The following SYTL5 variants were observed in gnomAD, a reference collection of about 807,000 sequenced individuals.
SYTL5 encodes synaptotagmin like 5.
Under a neutral mutation model 55.9 loss-of-function variants are expected in SYTL5, and 34 were observed. The ratio of observed to expected loss-of-function variants is 0.61; its 90% CI spans 0.46 to 0.81. The LOEUF (loss-of-function observed/expected upper bound fraction) is 0.81, where lower values mean the gene tolerates loss of function less well. SYTL5 is among the 30% of genes least tolerant of loss of function. SYTL5 has a pLI of 0.00. For synonymous variants in SYTL5, 221 were observed against 188.7 expected, an observed-to-expected ratio of 1.17 and a Z score of -1.40; for missense variants, 637 against 546.7, an observed-to-expected ratio of 1.17 and a Z score of -1.65.
At chrX:38,031,745 C>G (rs762628051) in intron 1 of SYTL5, among the ~76,000 whole-genome samples, 1 of 111,702 alleles carries the variant, frequency 9.0e-6, no homozygotes, top group African/African-American at 3.3e-5. Flanking sequence ...TCTTTCTCTG[C>G]GGAGACTGCA....
chrX:38,047,711 G>A (rs776291417), intron 2 of SYTL5, among the ~76,000 whole-genome samples: 15 of 112,189 alleles, frequency 1.3e-4, no homozygotes, highest in South Asian at 7.4e-4. Flanking sequence ...CTATCGCATC[G>A]TCAGGCTTTT....
At chrX:38,089,672 CAA>C (rs1360533740) in intron 7 of SYTL5, 85 bp downstream of exon 7, 2 of 1,005,899 alleles carry the variant, frequency 2.0e-6, no homozygotes, top group Non-Finnish European at 2.7e-6. Flanking sequence ...AATTTATAAA[CAA>C]AAGAGATTTA....
chrX:38,090,987 T>C (rs1602386551), intron 7 of SYTL5, among the ~76,000 whole-genome samples: 1 of 112,426 alleles, frequency 8.9e-6, no homozygotes, highest in African/African-American at 3.2e-5. Context: ...AAAGAGGTCA[T>C]AGGGCTGGAT....
intron 1 of SYTL5, among the ~76,000 whole-genome samples, chrX:38,008,690 C>T (rs1934074923): frequency 8.9e-6 from 1 of 111,760 alleles, no homozygotes; most frequent in Non-Finnish European, 1.9e-5. Context: ...TACTGCCTCA[C>T]TTTCTCTTTT....
the SYTL5 span, among the ~76,000 whole-genome samples, chrX:37,953,522 GT>G: frequency 9.0e-6 from 1 of 111,228 alleles, no homozygotes; most frequent in African/African-American, 3.3e-5. Context: ...CAGACTCTCT[GT>G]TTTTTTGTTT....
chrX:37,985,907 G>A, the SYTL5 span, among the ~76,000 whole-genome samples: 1 of 111,315 alleles, frequency 9.0e-6, no homozygotes, highest in Admixed American at 9.5e-5. Context: ...ATTCAATGGG[G>A]AAGGAAGAGC....
chrX:37,998,769 T>G, the SYTL5 span, among the ~76,000 whole-genome samples: 1 of 111,620 alleles, frequency 9.0e-6, no homozygotes, highest in Non-Finnish European at 1.9e-5. Flanking sequence ...AACGACACCC[T>G]AAAGATCTCA....
the SYTL5 span, among the ~76,000 whole-genome samples, chrX:37,982,655 A>G: frequency 2.7e-5 from 3 of 111,707 alleles, no homozygotes; most frequent in Admixed American, 2.9e-4. Context: ...TATTTTTCCA[A>G]TAATACCACA....
the SYTL5 span, among the ~76,000 whole-genome samples, chrX:37,993,944 G>A: frequency 8.9e-6 from 1 of 112,345 alleles, no homozygotes; most frequent in Non-Finnish European, 1.9e-5. Flanking sequence ...TCAAAAAGAA[G>A]TTCCAGTTAC....
chrX:37,997,366 G>A, the SYTL5 span, among the ~76,000 whole-genome samples: 1 of 112,267 alleles, frequency 8.9e-6, no homozygotes, highest in East Asian at 2.8e-4. Context: ...GGAGCAGGCA[G>A]GAGTCCTGCC....
the SYTL5 span, among the ~76,000 whole-genome samples, chrX:37,933,730 G>A: frequency 1.8e-5 from 2 of 111,956 alleles, no homozygotes; most frequent in African/African-American, 6.5e-5. Context: ...TTCAAAAATT[G>A]TAACATGTTT....
At chrX:38,087,990 A>C (rs1233692119) in intron 6 of SYTL5, among the ~76,000 whole-genome samples, 6 of 111,873 alleles carry the variant, frequency 5.4e-5, no homozygotes, top group African/African-American at 1.9e-4. Context: ...ATATTAAATA[A>C]TATTCTAAAA....
chrX:38,040,396 CTG>C (rs928155279), intron 2 of SYTL5, among the ~76,000 whole-genome samples: 15 of 110,343 alleles, frequency 1.4e-4, no homozygotes, highest in African/African-American at 5.0e-4. Flanking sequence ...AGTCACCACA[CTG>C]TGCTATCAAA....
the SYTL5 span, among the ~76,000 whole-genome samples, chrX:37,954,038 T>C: frequency 1.8e-5 from 2 of 110,225 alleles, no homozygotes; most frequent in Non-Finnish European, 3.8e-5. Context: ...ATGGAGCAAG[T>C]CTGAGGAGAT....
the SYTL5 span, among the ~76,000 whole-genome samples, chrX:37,970,715 G>T: frequency 9.0e-6 from 1 of 111,515 alleles, no homozygotes; most frequent in African/African-American, 3.3e-5. Context: ...ATAGCTGTGA[G>T]TTTCAGGTAT....
the SYTL5 span, among the ~76,000 whole-genome samples, chrX:37,957,782 A>AT: frequency 2.7e-5 from 3 of 111,504 alleles, no homozygotes; most frequent in African/African-American, 6.5e-5. Flanking sequence ...TGATTTTAGG[A>AT]TTTTTTCTAT....
chrX:38,109,575 G>A (rs894267316), intron 12 of SYTL5, among the ~76,000 whole-genome samples: 19 of 109,629 alleles, frequency 1.7e-4, no homozygotes, highest in East Asian at 5.8e-4. Flanking sequence ...GGAAAGATGA[G>A]CCCAAACACA....
At chrX:38,019,138 A>T (rs756085268) in intron 1 of SYTL5, among the ~76,000 whole-genome samples, 11 of 112,734 alleles carry the variant, frequency 9.8e-5, no homozygotes, top group Non-Finnish European at 1.9e-4. Context: ...TATAGAACAG[A>T]TGAAAACGGA....
chrX:38,001,465 C>G, the SYTL5 span, among the ~76,000 whole-genome samples: 1 of 111,581 alleles, frequency 9.0e-6, no homozygotes, highest in African/African-American at 3.3e-5. Flanking sequence ...CCTTCCTGGC[C>G]TCTGGTAAAC....
Sources: gnomAD v4.1 joint callset for allele counts (sites outside exome capture counted in the v4.1 genomes callset) on GRCh38, gnomAD v4.1.1 for gene constraint, MANE v1.5 for transcripts, NCBI Gene and HGNC (gene_info 2026-07-23, HGNC 2026-07-21) for gene names.